Variants in HM13 observed in about 807,000 individuals in gnomAD.
HM13 encodes the protein signal peptide peptidase.
In HM13, 18 loss-of-function variants were observed where a neutral mutation model predicts 50.0. That is an observed-to-expected ratio of 0.36 (90% CI 0.25 to 0.53). The LOEUF (loss-of-function observed/expected upper bound fraction) is 0.53, where lower values mean the gene tolerates loss of function less well. Ranked by LOEUF, HM13 falls within the 20% of genes least tolerant of loss-of-function variation. The probability of loss-of-function intolerance (pLI) is 0.90; values close to 1 mark genes in which losing one functional copy is unlikely to be tolerated. For synonymous variants in HM13, 197 were observed against 232.6 expected (o/e 0.85, Z 1.39); for missense variants, 393 against 552.4 (o/e 0.71, Z 2.89).
intron 9 of HM13, among the ~76,000 whole-genome samples, chr20:31,561,236 C>A (rs1984591044): frequency 6.6e-6 from 1 of 152,116 alleles, no homozygotes; most frequent in Admixed American, 6.6e-5. Flanking sequence ...AATGCAGATT[C>A]CTGGGCCCTG....
chr20:31,522,622 C>T (rs959523986), intron 1 of HM13, among the ~76,000 whole-genome samples: 1 of 133,684 alleles, frequency 7.5e-6, no homozygotes. Context: ...GACTACCAGA[C>T]ACTGTGCTTG....
At chr20:31,521,044 C>A (rs1442683675) in intron 1 of HM13, among the ~76,000 whole-genome samples, 1 of 152,190 alleles carries the variant, frequency 6.6e-6, no homozygotes, top group Non-Finnish European at 1.5e-5. Flanking sequence ...AGGTTTTTCC[C>A]CCACTTTCTA....
chr20:31,526,024 G>T (rs567480475), intron 1 of HM13, among the ~76,000 whole-genome samples: 22 of 152,242 alleles, frequency 1.4e-4, no homozygotes, highest in African/African-American at 5.1e-4. Context: ...TACTTGAGAG[G>T]CTGAGGCGGG....
chr20:31,519,901 G>A (rs1982048684), intron 1 of HM13, among the ~76,000 whole-genome samples: 1 of 147,178 alleles, frequency 6.8e-6, no homozygotes. Flanking sequence ...GAGTGTGAGT[G>A]CGGTGGTGCC....
Position 31,568,131 on chromosome 20 carries a change from C to G in HM13, c.1088C>G (p.Pro363Arg). 1 of 1,613,300 alleles carries G rather than the reference C, an allele frequency of 6.2e-7. No homozygotes were observed. Among genetic ancestry groups the G allele is most frequent in the Non-Finnish European group, 8.5e-7 (1 of 1,179,890 alleles). Residue 363 changes from proline (P) to arginine (R), a missense_variant, in exon 12 of 13, where the codon CCC becomes CGC. Pro to Arg is a moderately radical substitution (Grantham distance 103). Coordinates refer to ENST00000398174, the MANE Select transcript of HM13 (RefSeq NM_178581.3). ...CATACCCCGAGGCTCACCCACTTCCCCACAGTCTCGGGCTCCCCAGCCAGC... is the reference window on the plus strand; with the variant it reads ...CATACCCCGAGGCTCACCCACTTCCGCACAGTCTCGGGCTCCCCAGCCAGC... ...LPHTPRLTHF[P>R]TVSGSPASLA...
chr20:31,514,659 C>G lies in HM13; in HGVS notation c.108C>G (p.Tyr36Ter). 1 of 1,566,204 alleles carries G rather than the reference C, an allele frequency of 6.4e-7. No homozygotes were observed. The highest frequency in any genetic ancestry group is 8.6e-7 in the Non-Finnish European group (1 of 1,156,524). ...CGCCCGAGGGCATCGCGCTGGCCTA[C>G]GGCAGCCTCCTGCTCATGGCGCTGC... is the stretch of plus-strand genomic sequence containing the variant. ...PSTPEGIALAYGSLLLMALLP... is the reference protein window; with the variant it reads ...PSTPEGIALA The change falls in exon 1 of 13, where the codon TAC becomes TAG. Residue 36 changes from tyrosine to a stop codon, truncating the protein, a stop_gained. Transcript: ENST00000398174. LOFTEE classifies it high-confidence loss of function. This position sits in a 1 kb window ranked among gnomAD's most constrained non-coding sequence, Gnocchi z 4.3.
At chr20:31,554,949 C>A in intron 8 of HM13, 120 bp downstream of exon 8, 1 of 880,318 alleles carries the variant, frequency 1.1e-6, no homozygotes, top group Non-Finnish European at 1.8e-6. Flanking sequence ...AAGGCTGGAT[C>A]AGGCCAGGGA....
chr20:31,519,352 T>C (rs1982008175), intron 1 of HM13, among the ~76,000 whole-genome samples: 1 of 152,310 alleles, frequency 6.6e-6, no homozygotes, highest in African/African-American at 2.4e-5. Flanking sequence ...CCACCCGCCT[T>C]GGCCTCCCAA....
chr20:31,530,743 G>T (rs1028663123), intron 2 of HM13, among the ~76,000 whole-genome samples: 2 of 152,062 alleles, frequency 1.3e-5, no homozygotes, highest in Non-Finnish European at 2.9e-5. Context: ...TCATGGTTCT[G>T]TTTTACAGTG....
intron 1 of HM13, among the ~76,000 whole-genome samples, chr20:31,526,974 C>T (rs1318077483): frequency 6.6e-6 from 1 of 152,248 alleles, no homozygotes; most frequent in Non-Finnish European, 1.5e-5. Context: ...CATAGCCCTT[C>T]TCCCCAGATG....
rs58104065 is a variant in HM13 at position 31,521,728 on chromosome 20, CA to C, written c.184-5739del. Among the ~76,000 whole-genome samples, 167 of 89,068 alleles carry C rather than the reference CA, an allele frequency of 1.9e-3. 1 individual carries two copies. The highest frequency in any genetic ancestry group is 0.014 in the Middle Eastern group (2 of 148). The allele number at this position is 89,068 out of a possible 152,430, so 58.4% of individuals were successfully genotyped here. On this transcript the variant is annotated intron_variant, in intron 1 of 12. Transcript: ENST00000398174. The stretch of plus-strand genomic sequence containing the variant: ...TGGGCAACAGAGCGAGACTCCATCT[CA>C]AAAAAAAAAAAAAAAAGTACCTGCT...
chr20:31,522,547 A>AAAC (rs1982234083), intron 1 of HM13, among the ~76,000 whole-genome samples: 1 of 150,544 alleles, frequency 6.6e-6, no homozygotes, highest in African/African-American at 2.5e-5. Context: ...ACTCCACTAA[A>AAAC]AAAAAACAAA....
intron 2 of HM13, among the ~76,000 whole-genome samples, chr20:31,531,687 A>G (rs1982828832): frequency 1.3e-5 from 2 of 152,170 alleles, no homozygotes; most frequent in Middle Eastern, 3.4e-3. Flanking sequence ...TCTGCCTCCC[A>G]GGTTCAAGCA....
At position 31,514,797 on chromosome 20, in the gene HM13, C is replaced by T; in HGVS notation, c.183+63C>T. On this transcript the variant is annotated intron_variant, in intron 1 of 12. Transcript: ENST00000398174. This position sits in a 1 kb window ranked among gnomAD's most constrained non-coding sequence, Gnocchi z 4.3. ...ATACCGAACACGGCCGACATGGACC[C>T]TTCCTAGGCGGGACAGACACCTCTC... 1 of 1,406,084 alleles carries T rather than the reference C, an allele frequency of 7.1e-7. No individual in the cohort carries two copies. The highest frequency in any genetic ancestry group is 1.7e-5 in the African/African-American group (1 of 60,482). The allele number at this position is 1,406,084 out of a possible 1,614,324, so 87.1% of individuals were successfully genotyped here.
intron 10 of HM13, chr20:31,563,227 C>G (rs1240182966): frequency 2.0e-5 from 3 of 152,626 alleles, no homozygotes; most frequent in African/African-American, 7.2e-5. Context: ...AGCCCTTCTC[C>G]CCAGTCATCC....
At chr20:31,568,271 G>C in intron 12 of HM13, 47 bp downstream of exon 12, 1 of 1,598,150 alleles carries the variant, frequency 6.3e-7, no homozygotes. Context: ...CTACTGCCCC[G>C]GGGCCCAAGG....
chr20:31,553,339 C>T (rs1984131730), intron 7 of HM13, among the ~76,000 whole-genome samples: 1 of 151,878 alleles, frequency 6.6e-6, no homozygotes, highest in Non-Finnish European at 1.5e-5. Context: ...GACCCCCTAC[C>T]TGCAAGTAAG....
chr20:31,565,710 C>T (rs887501629), intron 10 of HM13, among the ~76,000 whole-genome samples: 8 of 152,156 alleles, frequency 5.3e-5, no homozygotes, highest in African/African-American at 1.7e-4. Context: ...AGTCTCAGCA[C>T]AGACATGCCA....
chr20:31,568,234 A>G lies in HM13; in HGVS notation c.1181+10A>G. The G allele has an allele frequency of 6.2e-7, 1 of 1,611,214 alleles. No individual in the cohort carries two copies. Reference sequence around the variant, plus strand: ...AGAATCCCAGCGCCATGTAATGCCCAGCGGGTGCCCACCTGCCCGCTTCCC... The same window carrying G: ...AGAATCCCAGCGCCATGTAATGCCCGGCGGGTGCCCACCTGCCCGCTTCCC... On this transcript the variant is annotated intron_variant, in intron 12 of 12. Transcript: ENST00000398174.
Sources: allele counts gnomAD v4.1 joint callset (sites outside exome capture counted in the v4.1 genomes callset), GRCh38; gene constraint gnomAD v4.1.1; non-coding constraint Gnocchi (gnomAD v3.1); transcripts MANE v1.5; gene names NCBI Gene and HGNC (gene_info 2026-07-23, HGNC 2026-07-21).